The following CAMK4 variants were observed in gnomAD, a reference collection of about 807,000 sequenced individuals.
CAMK4 encodes the protein calcium/calmodulin-dependent protein kinase type IV.
In CAMK4, 22 loss-of-function variants were observed where a neutral mutation model predicts 44.9. The observed-to-expected ratio is 0.49, with a 90% CI of 0.35 to 0.70. The LOEUF is 0.70. Among genes scored for constraint, CAMK4 ranks in the 30% least tolerant of loss-of-function variants. The pLI is 0.01. For synonymous variants in CAMK4, 218 were observed against 215.4 expected (o/e 1.01, Z -0.11); for missense variants, 498 against 586.8 (o/e 0.85, Z 1.56).
chr5:111,431,806 A>G (rs976925129), intron 5 of CAMK4, among the ~76,000 whole-genome samples: 4 of 152,220 alleles, frequency 2.6e-5, no homozygotes, highest in African/African-American at 4.8e-5. Context: ...CAAAACTACA[A>G]TGAGATATCA....
intron 1 of CAMK4, among the ~76,000 whole-genome samples, chr5:111,250,425 T>C (rs947723346): frequency 6.6e-6 from 1 of 152,206 alleles, no homozygotes; most frequent in Non-Finnish European, 1.5e-5. Context: ...GCTCAAAATA[T>C]CAGAGGACCC....
chr5:111,327,332 A>G (rs1748940829), intron 1 of CAMK4, among the ~76,000 whole-genome samples: 1 of 151,124 alleles, frequency 6.6e-6, no homozygotes, highest in South Asian at 2.1e-4. Context: ...TGCAAAGGAC[A>G]TGAACTCATC....
chr5:111,264,625 C>T (rs910820446), intron 1 of CAMK4, among the ~76,000 whole-genome samples: 7 of 152,066 alleles, frequency 4.6e-5, no homozygotes, highest in African/African-American at 7.2e-5. Context: ...AATTCACTGC[C>T]GATATCCGTT....
chr5:111,309,770 A>G (rs905905270), intron 1 of CAMK4, among the ~76,000 whole-genome samples: 2 of 152,176 alleles, frequency 1.3e-5, no homozygotes, highest in Non-Finnish European at 2.9e-5. Context: ...GCTTATTTTT[A>G]AAAAGTGAGT....
At chr5:111,387,507 C>G (rs1024491367) in intron 4 of CAMK4, among the ~76,000 whole-genome samples, 5 of 152,148 alleles carry the variant, frequency 3.3e-5, no homozygotes, top group Non-Finnish European at 7.4e-5. Flanking sequence ...CAGCAGTAAT[C>G]TTTTCACTTA....
chr5:111,287,693 G>A (rs1751295943), intron 1 of CAMK4, among the ~76,000 whole-genome samples: 1 of 152,178 alleles, frequency 6.6e-6, no homozygotes, highest in Non-Finnish European at 1.5e-5. Flanking sequence ...TTGTCATTCA[G>A]ACATCTATTG....
intron 1 of CAMK4, among the ~76,000 whole-genome samples, chr5:111,257,086 C>T (rs1023526609): frequency 9.9e-5 from 15 of 152,172 alleles, no homozygotes; most frequent in African/African-American, 3.6e-4. Flanking sequence ...AGGACATAGG[C>T]ATGGGCAAAG....
intron 7 of CAMK4, among the ~76,000 whole-genome samples, chr5:111,462,555 CAA>C (rs1245275101): frequency 2.6e-5 from 4 of 152,080 alleles, no homozygotes; most frequent in Non-Finnish European, 5.9e-5. Context: ...AAATTTTTTC[CAA>C]AAGAGTTACT....
chr5:111,400,029 A>G (rs1450986843), intron 5 of CAMK4, among the ~76,000 whole-genome samples: 2 of 152,228 alleles, frequency 1.3e-5, no homozygotes, highest in Non-Finnish European at 2.9e-5. Flanking sequence ...TGCCCCACAT[A>G]ACACAGAAGG....
At chr5:111,477,574 A>G (rs1205038658) in intron 8 of CAMK4, among the ~76,000 whole-genome samples, 5 of 152,190 alleles carry the variant, frequency 3.3e-5, no homozygotes, top group Non-Finnish European at 5.9e-5. Flanking sequence ...GGTGGTCACA[A>G]ACAACTCGCT....
At chr5:111,373,083 A>G (rs889036544) in intron 2 of CAMK4, among the ~76,000 whole-genome samples, 4 of 152,182 alleles carry the variant, frequency 2.6e-5, no homozygotes, top group African/African-American at 9.6e-5. Context: ...AACAAAAGTA[A>G]AATACATTTT....
At chr5:111,279,374 A>G (rs1360843773) in intron 1 of CAMK4, among the ~76,000 whole-genome samples, 1 of 152,148 alleles carries the variant, frequency 6.6e-6, no homozygotes, top group Non-Finnish European at 1.5e-5. Flanking sequence ...CCTTCTGCAG[A>G]TCTCAGCTGT....
In CAMK4 at chr5:111,273,698, TATATATATATATATATATATAC is replaced by T. The variant is rs1315905740; in HGVS notation, c.161+49056_161+49077del. 4.5e-3 allele frequency among the ~76,000 whole-genome samples: 247 copies of T among 54,698 alleles called. 8 individuals are homozygous for T. The highest frequency in any genetic ancestry group is 0.024 in the African/African-American group (206 of 8,730). 35.9% of individuals were successfully genotyped at this position (54,698 alleles called of 152,430 possible). A position where few individuals can be genotyped will look rare whatever the true frequency, so the allele number is the denominator to read the frequency against. On this transcript the variant is annotated intron_variant, in intron 1 of 10. Transcript: ENST00000282356. ...GCATTTATATATATATATATATATA[TATATATATATATATATATATAC>T]ACACACATACATACACACACACACG...
intron 5 of CAMK4, among the ~76,000 whole-genome samples, chr5:111,442,262 G>T (rs1179871252): frequency 6.6e-6 from 1 of 152,164 alleles, no homozygotes; most frequent in Admixed American, 6.6e-5. Flanking sequence ...GGGAGGCCGA[G>T]GCAGGTGGAT....
chr5:111,259,600 C>T (rs770600686), intron 1 of CAMK4, among the ~76,000 whole-genome samples: 11 of 152,144 alleles, frequency 7.2e-5, no homozygotes, highest in Non-Finnish European at 1.3e-4. Flanking sequence ...CAGGCAATAA[C>T]GGTGACCCCA....
At chr5:111,476,090 TC>T (rs1280683832) in intron 8 of CAMK4, among the ~76,000 whole-genome samples, 1 of 152,182 alleles carries the variant, frequency 6.6e-6, no homozygotes, top group African/African-American at 2.4e-5. Context: ...CTGATACTTG[TC>T]TGTATGTACA....
chr5:111,241,148 C>T (rs1489284966), intron 1 of CAMK4, among the ~76,000 whole-genome samples: 5 of 148,904 alleles, frequency 3.4e-5, no homozygotes, highest in African/African-American at 1.2e-4. Context: ...TTACTATTAA[C>T]TAAACTGCAG....
chr5:111,231,715 ATTTT>A (rs78741125), intron 1 of CAMK4, among the ~76,000 whole-genome samples: 31,709 of 152,012 alleles, frequency 0.21, 3,782 homozygotes, highest in Non-Finnish European at 0.28. Context: ...AAATTACCTT[ATTTT>A]GTTAACCTAA....
At chr5:111,444,166 C>T (rs776783142) in intron 5 of CAMK4, among the ~76,000 whole-genome samples, 32 of 152,140 alleles carry the variant, frequency 2.1e-4, no homozygotes, top group African/African-American at 6.5e-4. Context: ...ATAGGCAAGA[C>T]GTATGTGCTC....
Sources: allele counts gnomAD v4.1 joint callset (sites outside exome capture counted in the v4.1 genomes callset), GRCh38; gene constraint gnomAD v4.1.1; transcripts MANE v1.5; gene names NCBI Gene and HGNC (gene_info 2026-07-23, HGNC 2026-07-21).